RASAL2: variants seen among roughly 807,000 people sequenced by gnomAD.
The protein encoded by RASAL2 is RAS protein activator like 2.
A neutral mutation model predicts 128.9 loss-of-function variants in RASAL2; 58 were observed. The observed-to-expected ratio is 0.45, with a 90% CI of 0.36 to 0.56. RASAL2 has a LOEUF of 0.56. Ranked by LOEUF, RASAL2 falls within the 20% of genes least tolerant of loss-of-function variation. RASAL2 has a pLI of 0.00. For synonymous variants in RASAL2, 561 were observed against 580.8 expected, an observed-to-expected ratio of 0.97 and a Z score of 0.49; for missense variants, 1,360 against 1,601.6, an observed-to-expected ratio of 0.85 and a Z score of 2.57.
chr1:178,239,388 C>T (rs1180976920), intron 1 of RASAL2, among the ~76,000 whole-genome samples: 1 of 151,918 alleles, frequency 6.6e-6, no homozygotes, highest in African/African-American at 2.4e-5. Flanking sequence ...AGAGTCCATG[C>T]CTGTTGTATG....
chr1:178,183,716 A>T (rs889678047), intron 1 of RASAL2, among the ~76,000 whole-genome samples: 2 of 152,168 alleles, frequency 1.3e-5, no homozygotes, highest in African/African-American at 4.8e-5. Flanking sequence ...ATTGAGGGAC[A>T]TTTTTGTTGC....
chr1:178,354,734 A>T (rs1670708637), intron 3 of RASAL2, among the ~76,000 whole-genome samples: 1 of 152,230 alleles, frequency 6.6e-6, no homozygotes, highest in Non-Finnish European at 1.5e-5. Context: ...GTAATAACCT[A>T]GGAGTAAATC....
chr1:178,389,609 C>G (rs1672776277), intron 3 of RASAL2, among the ~76,000 whole-genome samples: 1 of 152,056 alleles, frequency 6.6e-6, no homozygotes, highest in South Asian at 2.1e-4. Flanking sequence ...AGCTTTCAGT[C>G]TTCTCATGGC....
Position 178,473,858 on chromosome 1 carries a change from G to A in RASAL2, c.*619G>A, listed in dbSNP as rs41315569. 1,864 of 152,828 alleles carry A rather than the reference G, an allele frequency of 0.012. 13 individuals are homozygous for A. Among genetic ancestry groups the A allele is most frequent in the Non-Finnish European group, 0.015 (989 of 68,134 alleles). The allele number at this position is 152,828 out of a possible 1,614,324, so 9.5% of individuals were successfully genotyped here. ...GGTTGGACAGCTAATCTGATTTGGG[G>A]ATTCACTGTTTCAGAGGACACAGAC... On this transcript the variant is annotated 3_prime_UTR_variant, in exon 18 of 18. Coordinates refer to ENST00000367649, the MANE Select transcript of RASAL2 (RefSeq NM_170692.4).
At chr1:178,153,080 TAA>T (rs893783568) in intron 1 of RASAL2, among the ~76,000 whole-genome samples, 1 of 152,194 alleles carries the variant, frequency 6.6e-6, no homozygotes, top group African/African-American at 2.4e-5. Flanking sequence ...AGATCTCTCT[TAA>T]TTTATAGATT....
At chr1:178,388,776 A>T (rs1672728991) in intron 3 of RASAL2, among the ~76,000 whole-genome samples, 1 of 152,224 alleles carries the variant, frequency 6.6e-6, no homozygotes, top group Non-Finnish European at 1.5e-5. Flanking sequence ...CACTAGGTGG[A>T]TATACATTTC....
intron 17 of RASAL2, among the ~76,000 whole-genome samples, chr1:178,468,389 C>G (rs912770084): frequency 6.6e-6 from 1 of 152,182 alleles, no homozygotes; most frequent in Non-Finnish European, 1.5e-5. Context: ...CCTCCCTTCT[C>G]TAGGTATCAG....
intron 3 of RASAL2, among the ~76,000 whole-genome samples, chr1:178,349,255 C>CT (rs1199548708): frequency 8.0e-6 from 1 of 125,540 alleles, no homozygotes; most frequent in Non-Finnish European, 1.6e-5. Context: ...CCTGTCTCTA[C>CT]TTTAAAAAAA....
chr1:178,165,332 A>G (rs537638287), intron 1 of RASAL2, among the ~76,000 whole-genome samples: 3 of 152,304 alleles, frequency 2.0e-5, no homozygotes, highest in Admixed American at 2.0e-4. Context: ...AAAAAGTTGT[A>G]TCTGTACTTA....
chr1:178,167,544 A>G (rs1661559061), intron 1 of RASAL2, among the ~76,000 whole-genome samples: 1 of 152,068 alleles, frequency 6.6e-6, no homozygotes, highest in Non-Finnish European at 1.5e-5. Flanking sequence ...GGGTGTCTAT[A>G]ATACTCCCTG....
intron 1 of RASAL2, among the ~76,000 whole-genome samples, chr1:178,282,659 G>T (rs530356398): frequency 6.6e-6 from 1 of 152,188 alleles, no homozygotes; most frequent in East Asian, 1.9e-4. Context: ...TTCAATTTGA[G>T]TTTTTACTTT....
chr1:178,131,016 T>G (rs1660089114), intron 1 of RASAL2, among the ~76,000 whole-genome samples: 1 of 12,116 alleles, frequency 8.3e-5, no homozygotes. Context: ...ATAGCACCAC[T>G]GCAGTCCCAG....
chr1:178,287,950 A>G (rs963125283), intron 2 of RASAL2, among the ~76,000 whole-genome samples: 2 of 152,164 alleles, frequency 1.3e-5, no homozygotes, highest in Non-Finnish European at 2.9e-5. Flanking sequence ...CATGTAACCA[A>G]ACACCACCCA....
intron 15 of RASAL2, among the ~76,000 whole-genome samples, chr1:178,465,345 G>A (rs1467300313): frequency 1.3e-5 from 2 of 152,116 alleles, no homozygotes; most frequent in African/African-American, 2.4e-5. Flanking sequence ...AAGTCTTATT[G>A]ATTCATGGGC....
chr1:178,233,011 C>G (rs529184960), intron 1 of RASAL2, among the ~76,000 whole-genome samples: 1 of 152,208 alleles, frequency 6.6e-6, no homozygotes, highest in East Asian at 1.9e-4. Context: ...GTGAGGTGAT[C>G]CTTTGGAAAT....
intron 4 of RASAL2, among the ~76,000 whole-genome samples, chr1:178,406,261 A>AAGG (rs1421716222): frequency 3.6e-4 from 55 of 152,250 alleles, no homozygotes; most frequent in African/African-American, 1.1e-3. Flanking sequence ...GTGGAATAAA[A>AAGG]AGGAGCAAAC....
intron 5 of RASAL2, among the ~76,000 whole-genome samples, chr1:178,431,039 G>T (rs551064288): frequency 1.3e-5 from 2 of 151,704 alleles, no homozygotes; most frequent in African/African-American, 4.8e-5. Flanking sequence ...AGCTGACTCC[G>T]TACTGTACTC....
chr1:178,348,705 C>T (rs2102428224), intron 3 of RASAL2, among the ~76,000 whole-genome samples: 1 of 152,188 alleles, frequency 6.6e-6, no homozygotes, highest in Non-Finnish European at 1.5e-5. Context: ...ACAAAAAACT[C>T]TAGGCAACTT....
intron 1 of RASAL2, among the ~76,000 whole-genome samples, chr1:178,150,977 G>A (rs1660895060): frequency 6.6e-6 from 1 of 152,058 alleles, no homozygotes; most frequent in Non-Finnish European, 1.5e-5. Context: ...ATGAAGTGCT[G>A]AAGTGTTATC....
Sources: gnomAD v4.1 joint callset for allele counts (sites outside exome capture counted in the v4.1 genomes callset) on GRCh38, gnomAD v4.1.1 for gene constraint, MANE v1.5 for transcripts, NCBI Gene and HGNC (gene_info 2026-07-23, HGNC 2026-07-21) for gene names.